Variants in AIMP2 observed in about 807,000 individuals in gnomAD.
AIMP2 encodes the protein aminoacyl tRNA synthetase complex interacting multifunctional protein 2, also known as aminoacyl tRNA synthase complex-interacting multifunctional protein 2.
AIMP2 carries 20 observed loss-of-function variants against 23.4 expected under a neutral mutation model. That is an observed-to-expected ratio of 0.85 (90% CI 0.60 to 1.24). AIMP2 has a LOEUF of 1.24. Among genes scored for constraint, AIMP2 ranks in the 50% most tolerant of loss-of-function variants. The pLI, the probability that AIMP2 is intolerant of heterozygous loss-of-function variation, is 0.00. For missense variants in AIMP2, 515 were observed against 414.5 expected (o/e 1.24, Z -2.10); for synonymous variants, 210 against 170.4 (o/e 1.23, Z -1.81).
chr7:6,011,284 C>T (rs1786673089), intron 1 of AIMP2, among the ~76,000 whole-genome samples: 2 of 152,196 alleles, frequency 1.3e-5, no homozygotes, highest in Admixed American at 6.5e-5. Context: ...TCACCGCTCA[C>T]CAGCAGGGTA....
chr7:6,009,591 G>A, intron 1 of AIMP2, 93 bp downstream of exon 1: 11 of 1,163,404 alleles, frequency 9.5e-6, no homozygotes, highest in Non-Finnish European at 1.2e-5. Flanking sequence ...GTCCCAACCG[G>A]TTCACGGCCC....
In AIMP2 at chr7:6,010,448, G is replaced by GT. The variant is rs57431372; in HGVS notation, c.135+961dup. 3.2e-3 allele frequency among the ~76,000 whole-genome samples: 479 copies of GT among 148,594 alleles called. 2 individuals are homozygous for GT. The highest frequency in any genetic ancestry group is 6.8e-3 in the African/African-American group (275 of 40,336). ...CCTAAACAATATAGTCTGGTTTTTT[G>GT]TTTTTTTTTTTGTTTTTTTCAGATG... On this transcript the variant is annotated intron_variant, in intron 1 of 3. Coordinates refer to ENST00000223029, the MANE Select transcript of AIMP2 (RefSeq NM_006303.4).
At chr7:6,018,099 G>A in intron 3 of AIMP2, 54 bp downstream of exon 3, 1 of 1,364,142 alleles carries the variant, frequency 7.3e-7, no homozygotes, top group East Asian at 2.3e-5. Flanking sequence ...TGAACACCAT[G>A]AGTTTCACCT....
chr7:6,009,633 C>G (rs868271146), intron 1 of AIMP2, 135 bp downstream of exon 1: 5 of 727,010 alleles, frequency 6.9e-6, no homozygotes, highest in Non-Finnish European at 9.7e-6. Flanking sequence ...CGGCCAGGGA[C>G]TCACTCAGAC....
At chr7:6,020,690 C>T (rs919181643) in intron 3 of AIMP2, among the ~76,000 whole-genome samples, 7 of 152,086 alleles carry the variant, frequency 4.6e-5, no homozygotes, top group African/African-American at 1.7e-4. Flanking sequence ...TCCCAGATGC[C>T]ATAAAGAAAA....
intron 1 of AIMP2, chr7:6,012,807 C>G: frequency 9.7e-7 from 1 of 1,034,764 alleles, no homozygotes; most frequent in Non-Finnish European, 1.2e-6. Flanking sequence ...CCGCCTCGCC[C>G]TTCCAAAGTG....
chr7:6,023,762 G>T lies in AIMP2; in HGVS notation c.*71G>T. The T allele has an allele frequency of 6.2e-7, 1 of 1,610,194 alleles. No homozygotes were observed. The highest frequency in any genetic ancestry group is 2.2e-5 in the East Asian group (1 of 44,856). On this transcript the variant is annotated 3_prime_UTR_variant, in exon 4 of 4. Transcript: ENST00000223029. The stretch of plus-strand genomic sequence containing the variant: ...TCTTTCATGCCTATTATCAGTAAGG[G>T]GACTTGTATTAGAGTCAGAGTCTTT...
chr7:6,023,651 A>C lies in AIMP2; in HGVS notation c.923A>C (p.Asn308Thr). The C allele has an allele frequency of 6.2e-7, 1 of 1,614,004 alleles. No homozygotes were observed. The change falls in exon 4 of 4, where the codon AAC (asparagine) becomes ACC (threonine). Residue 308 changes from asparagine (N) to threonine (T), a missense_variant. By Grantham distance (65) the Asn-to-Thr change is moderately conservative. Transcript: ENST00000223029. ...NVQRWMRSCE[N>T]LAPFNTALKL... ...CAGAGGTGGATGAGGTCTTGTGAAA[A>C]CCTGGCTCCTTTTAACACGGCCCTC...
chr7:6,019,441 C>T (rs941763827), intron 3 of AIMP2, among the ~76,000 whole-genome samples: 2 of 146,374 alleles, frequency 1.4e-5, no homozygotes, highest in Non-Finnish European at 3.0e-5. Flanking sequence ...GCCGAGATCA[C>T]GCCAGCGCAC....
At chr7:6,009,600 C>T in intron 1 of AIMP2, 102 bp downstream of exon 1, 2 of 1,047,436 alleles carry the variant, frequency 1.9e-6, no homozygotes, top group Non-Finnish European at 2.5e-6. Context: ...GGTTCACGGC[C>T]CCACCCCGGC....
chr7:6,020,326 CAGG>C (rs1179107993), intron 3 of AIMP2, among the ~76,000 whole-genome samples: 1 of 151,872 alleles, frequency 6.6e-6, no homozygotes, highest in Admixed American at 6.6e-5. Context: ...GAGACTGAGA[CAGG>C]AGAATCGCTT....
intron 1 of AIMP2, among the ~76,000 whole-genome samples, chr7:6,011,279 G>A (rs1368704691): frequency 2.0e-5 from 3 of 152,142 alleles, no homozygotes; most frequent in Non-Finnish European, 2.9e-5. Context: ...CTCGCTCACC[G>A]CTCACCAGCA....
Position 6,009,434 on chromosome 7 carries a change from T to A in AIMP2, c.71T>A (p.Met24Lys). ...APLRVELPTC[M>K]YRLPNVHGRS... ...CTCCGTGTGGAGCTTCCCACCTGCA[T>A]GTACCGGCTCCCCAACGTGCACGGC... Residue 24 changes from methionine (M) to lysine (K), a missense_variant, in exon 1 of 4, where the codon ATG (methionine) becomes AAG (lysine). Met to Lys is a moderately conservative substitution (Grantham distance 95). Transcript: ENST00000223029. 3 of 1,611,192 alleles carry A rather than the reference T, an allele frequency of 1.9e-6. No individual in the cohort carries two copies. Among genetic ancestry groups the A allele is most frequent in the Non-Finnish European group, 1.7e-6 (2 of 1,179,862 alleles).
chr7:6,009,949 CAAAAAAAAAA>C (rs1156596688), intron 1 of AIMP2, among the ~76,000 whole-genome samples: 7 of 22,472 alleles, frequency 3.1e-4, no homozygotes, highest in Non-Finnish European at 3.9e-4. Flanking sequence ...AACTCTATCT[CAAAAAAAAAA>C]AAAAAAAAAA....
intron 1 of AIMP2, among the ~76,000 whole-genome samples, chr7:6,013,492 C>G (rs1455254740): frequency 2.0e-5 from 3 of 152,048 alleles, no homozygotes; most frequent in Admixed American, 2.0e-4. Context: ...AACTCCTGAC[C>G]TCAGGTGATC....
At chr7:6,021,201 G>A (rs1342557977) in intron 3 of AIMP2, among the ~76,000 whole-genome samples, 3 of 152,042 alleles carry the variant, frequency 2.0e-5, no homozygotes, top group Non-Finnish European at 2.9e-5. Flanking sequence ...AACCCTGGCT[G>A]GGCATGGTGG....
intron 1 of AIMP2, chr7:6,012,849 G>T: frequency 1.0e-6 from 1 of 998,282 alleles, no homozygotes; most frequent in Non-Finnish European, 1.2e-6. Context: ...ACTGTGCCTA[G>T]CCAGCACTCA....
Position 6,023,686 on chromosome 7 carries a change from A to C in AIMP2, c.958A>C (p.Lys320Gln), listed in dbSNP as rs1445406759. Residue 320 changes from lysine (K) to glutamine (Q), a missense_variant, in exon 4 of 4, where the codon AAG becomes CAG. Transcript: ENST00000223029. ...TTTTAACACGGCCCTCAAGCTCCTTAAGTGAATTGCCGTAACTGATTTTAA... is the reference window on the plus strand; with the variant it reads ...TTTTAACACGGCCCTCAAGCTCCTTCAGTGAATTGCCGTAACTGATTTTAA... ...APFNTALKLL[K>Q] 3.7e-6 allele frequency: 6 copies of C among 1,613,952 alleles called. No homozygotes were observed. The highest frequency in any genetic ancestry group is 5.1e-6 in the Non-Finnish European group (6 of 1,179,986).
chr7:6,015,385 G>A (rs1232123848), intron 2 of AIMP2, 33 bp downstream of exon 2: 1 of 1,603,452 alleles, frequency 6.2e-7, no homozygotes, highest in Admixed American at 1.7e-5. Flanking sequence ...AACGTTAGTA[G>A]GTACTGAGTG....
Sources: allele counts gnomAD v4.1 joint callset (sites outside exome capture counted in the v4.1 genomes callset), GRCh38; gene constraint gnomAD v4.1.1; transcripts MANE v1.5; gene names NCBI Gene and HGNC (gene_info 2026-07-23, HGNC 2026-07-21).